DPYD: variants seen among roughly 807,000 people sequenced by gnomAD.
DPYD encodes the protein dihydropyrimidine dehydrogenase [NADP(+)].
Under a neutral mutation model 116.2 loss-of-function variants are expected in DPYD, and 109 were observed. The ratio of observed to expected loss-of-function variants is 0.94; its 90% CI spans 0.80 to 1.10. DPYD has a LOEUF of 1.10. Ranked by LOEUF, DPYD falls within the 50% of genes least tolerant of loss-of-function variation. DPYD has a pLI of 0.00. For synonymous variants in DPYD, 440 were observed against 432.0 expected, an observed-to-expected ratio of 1.02 and a Z score of -0.23; for missense variants, 1,302 against 1,254.5, an observed-to-expected ratio of 1.04 and a Z score of -0.57.
chr1:97,145,171 G>A (rs1654522567), intron 20 of DPYD, among the ~76,000 whole-genome samples: 1 of 152,150 alleles, frequency 6.6e-6, no homozygotes, highest in South Asian at 2.1e-4. Context: ...TTAACAGGGA[G>A]TGCACATGTT....
chr1:97,407,211 C>T (rs1225854975), intron 14 of DPYD, among the ~76,000 whole-genome samples: 1 of 152,088 alleles, frequency 6.6e-6, no homozygotes, highest in Non-Finnish European at 1.5e-5. Flanking sequence ...AAAATAATTA[C>T]ATGGAATGAT....
chr1:97,168,499 T>G (rs1167080088), intron 20 of DPYD, among the ~76,000 whole-genome samples: 1 of 152,132 alleles, frequency 6.6e-6, no homozygotes, highest in Non-Finnish European at 1.5e-5. Context: ...TAATATTTAG[T>G]AAGAGTTGGG....
chr1:97,920,311 G>A (rs1258121891), intron 1 of DPYD, among the ~76,000 whole-genome samples: 4 of 152,052 alleles, frequency 2.6e-5, no homozygotes, highest in South Asian at 4.1e-4. Flanking sequence ...TTTTCTGAGG[G>A]CACTGCATTT....
At chr1:97,721,763 T>C in intron 4 of DPYD, 92 bp from the exon 5 acceptor site, 2 of 1,245,994 alleles carry the variant, frequency 1.6e-6, no homozygotes, top group Non-Finnish European at 2.3e-6. Context: ...TACTAGGTAA[T>C]CAGATTGAAG....
At chr1:97,481,536 A>G (rs1160305610) in intron 13 of DPYD, among the ~76,000 whole-genome samples, 1 of 152,206 alleles carries the variant, frequency 6.6e-6, no homozygotes. Context: ...TTCATCAAAA[A>G]AGTAATGGTT....
Position 97,595,083 on chromosome 1 carries a change from G to A in DPYD, c.934C>T (p.Leu312Phe), listed in dbSNP as rs145112791. Reference protein sequence around the residue: ...GFYTSKDFLPLVAKGSKAGMC... With the variant: ...GFYTSKDFLPFVAKGSKAGMC... ...CCTGCTTTACTGCCTTTGGCTACAA[G>A]TGGCAAAAAGTCTTTGGATGTATAA... is the stretch of plus-strand genomic sequence containing the variant. Residue 312 changes from leucine (L) to phenylalanine (F), a missense_variant, in exon 9 of 23, where the codon CTT (leucine) becomes TTT (phenylalanine). Transcript: ENST00000370192. The A allele has an allele frequency of 1.2e-5, 19 of 1,613,408 alleles. No individual in the cohort carries two copies. The highest frequency in any genetic ancestry group is 1.5e-5 in the Non-Finnish European group (18 of 1,179,596).
At chr1:97,645,115 C>T (rs1332284377) in intron 8 of DPYD, among the ~76,000 whole-genome samples, 1 of 152,030 alleles carries the variant, frequency 6.6e-6, no homozygotes, top group Non-Finnish European at 1.5e-5. Flanking sequence ...TCAGTTACTA[C>T]CTAGTTTTTC....
intron 16 of DPYD, among the ~76,000 whole-genome samples, chr1:97,364,426 C>T (rs895610470): frequency 8.6e-5 from 13 of 151,960 alleles, no homozygotes; most frequent in Non-Finnish European, 1.3e-4. Context: ...GCAATCAATC[C>T]TAGAAAAAAA....
chr1:97,096,306 T>C (rs915074029), intron 21 of DPYD, among the ~76,000 whole-genome samples: 19 of 152,184 alleles, frequency 1.2e-4, no homozygotes, highest in Admixed American at 1.0e-3. Context: ...TCTGAAAGAT[T>C]TGAGGGCTAG....
intron 4 of DPYD, among the ~76,000 whole-genome samples, chr1:97,732,347 C>G (rs763874729): frequency 1.3e-5 from 2 of 151,748 alleles, no homozygotes; most frequent in Non-Finnish European, 2.9e-5. Context: ...TGGTGGCACA[C>G]GCCTGTAGTC....
chr1:97,255,880 A>T (rs1198878564), intron 18 of DPYD, among the ~76,000 whole-genome samples: 2 of 151,916 alleles, frequency 1.3e-5, no homozygotes, highest in Non-Finnish European at 2.9e-5. Context: ...AGACTATCTC[A>T]TGCTCTAGAA....
At chr1:97,453,065 C>T (rs1454194018) in intron 13 of DPYD, among the ~76,000 whole-genome samples, 3 of 152,026 alleles carry the variant, frequency 2.0e-5, no homozygotes, top group African/African-American at 7.2e-5. Flanking sequence ...AGTACACCCC[C>T]TCCCTTGGAT....
At chr1:97,228,097 G>A (rs1661317646) in intron 19 of DPYD, among the ~76,000 whole-genome samples, 1 of 148,252 alleles carries the variant, frequency 6.7e-6, no homozygotes, top group African/African-American at 2.5e-5. Context: ...ATATTTTTCT[G>A]TCTCTGCTCA....
At chr1:97,100,120 G>C (rs1650557707) in intron 20 of DPYD, among the ~76,000 whole-genome samples, 1 of 151,972 alleles carries the variant, frequency 6.6e-6, no homozygotes, top group African/African-American at 2.4e-5. Flanking sequence ...TAGGATGGAG[G>C]GAGATAGTAT....
intron 13 of DPYD, among the ~76,000 whole-genome samples, chr1:97,458,704 C>T (rs759618016): frequency 2.6e-5 from 4 of 152,072 alleles, no homozygotes; most frequent in South Asian, 2.1e-4. Flanking sequence ...GCGGGTCATG[C>T]GTCAGTTTCA....
At chr1:97,290,325 G>GA (rs573288983) in intron 18 of DPYD, among the ~76,000 whole-genome samples, 1 of 151,912 alleles carries the variant, frequency 6.6e-6, no homozygotes, top group African/African-American at 2.4e-5. Flanking sequence ...CACAGAATTG[G>GA]AAAAAACTAC....
intron 2 of DPYD, among the ~76,000 whole-genome samples, chr1:97,878,222 T>C (rs1028924381): frequency 7.2e-5 from 11 of 151,824 alleles, no homozygotes; most frequent in Non-Finnish European, 1.3e-4. Flanking sequence ...TATTTATTAT[T>C]ATTATTGTTT....
At chr1:97,339,154 AT>A (rs1015570504) in intron 16 of DPYD, among the ~76,000 whole-genome samples, 2 of 152,194 alleles carry the variant, frequency 1.3e-5, no homozygotes, top group African/African-American at 4.8e-5. Context: ...GAAATTAGTG[AT>A]AAAATAAGTG....
chr1:97,604,413 G>A (rs559399394), intron 8 of DPYD, among the ~76,000 whole-genome samples: 10 of 152,038 alleles, frequency 6.6e-5, no homozygotes, highest in African/African-American at 9.6e-5. Flanking sequence ...GAAATTTGTC[G>A]TGCTACCATA....
Sources: gnomAD v4.1 joint callset for allele counts (sites outside exome capture counted in the v4.1 genomes callset) on GRCh38, gnomAD v4.1.1 for gene constraint, MANE v1.5 for transcripts, NCBI Gene and HGNC (gene_info 2026-07-23, HGNC 2026-07-21) for gene names.